Variants in TULP4 observed in about 807,000 individuals in gnomAD.
TULP4 encodes tubby-related protein 4.
TULP4 carries 16 observed loss-of-function variants against 129.0 expected under a neutral mutation model. That is an observed-to-expected ratio of 0.12 (90% CI 0.08 to 0.19). TULP4 has a LOEUF of 0.19. Among genes scored for constraint, TULP4 ranks in the 10% least tolerant of loss-of-function variants. The pLI is 1.00. For missense variants in TULP4, 1,842 were observed against 2,059.1 expected (o/e 0.89, Z 2.04); for synonymous variants, 998 against 854.0 (o/e 1.17, Z -2.94).
chr6:158,502,412 C>G lies in TULP4; in HGVS notation c.2749C>G (p.Pro917Ala), dbSNP rs771717933. 1 of 1,613,840 alleles carries G rather than the reference C, an allele frequency of 6.2e-7. No individual in the cohort carries two copies. Among genetic ancestry groups the G allele is most frequent in the Non-Finnish European group, 8.5e-7 (1 of 1,179,964 alleles). The change falls in exon 13 of 14, where the codon CCC becomes GCC. Residue 917 changes from proline to alanine, a missense_variant. Pro to Ala is a conservative substitution (Grantham distance 27, BLOSUM62 -1). This residue lies in a region of TULP4 where 1,089 missense variants were observed against 987.1 expected (regional missense o/e 1.10). Coordinates refer to ENST00000367097, the MANE Select transcript of TULP4 (RefSeq NM_020245.5). ...GTGCTCCCAGAACACGTACACCCTCCCCGGCCCGGGTAGCTCTGCCACCTT... is the reference window on the plus strand; with the variant it reads ...GTGCTCCCAGAACACGTACACCCTCGCCGGCCCGGGTAGCTCTGCCACCTT... ...MLCSQNTYTL[P>A]GPGSSATLRL...
intron 1 of TULP4, among the ~76,000 whole-genome samples, chr6:158,295,760 G>A (rs951101276): frequency 2.3e-4 from 35 of 152,118 alleles, no homozygotes; most frequent in African/African-American, 7.0e-4. Context: ...GCCTGGTGGC[G>A]GATGCCTGTA....
chr6:158,296,883 T>C (rs1377218324), intron 1 of TULP4, among the ~76,000 whole-genome samples: 1 of 152,196 alleles, frequency 6.6e-6, no homozygotes, highest in Admixed American at 6.5e-5. Context: ...AAAGATCACA[T>C]GCTTCTGAGG....
Position 158,254,158 on chromosome 6 carries a change from G to C in TULP4, n.68+21855G>C, listed in dbSNP as rs577770607. On this transcript the variant is annotated intron_variant and non_coding_transcript_variant, in intron 1 of 1. Transcript: ENST00000620026. ...CTCCAACCAAGTCATTAGTAAATCAGTGGAGACAGAGTCTTGCTCTGTGGC... is the reference window on the plus strand; with the variant it reads ...CTCCAACCAAGTCATTAGTAAATCACTGGAGACAGAGTCTTGCTCTGTGGC... Among the ~76,000 whole-genome samples the C allele has an allele frequency of 3.9e-5, 6 of 152,210 alleles. No individual in the cohort carries two copies. In the East Asian group the frequency reaches 1.2e-3, roughly 29 times the overall value.
intron 1 of TULP4, among the ~76,000 whole-genome samples, chr6:158,349,019 G>T (rs1412690884): frequency 5.4e-5 from 3 of 55,918 alleles, no homozygotes; most frequent in Admixed American, 3.9e-4. Flanking sequence ...TCACTTCCCA[G>T]ACGGGGCAGC....
At chr6:158,484,309 A>G (rs933913087) in intron 8 of TULP4, among the ~76,000 whole-genome samples, 1 of 146,280 alleles carries the variant, frequency 6.8e-6, no homozygotes, top group East Asian at 2.1e-4. Flanking sequence ...CAGTGGTATG[A>G]TCATAGTGCA....
At chr6:158,437,472 G>T (rs1778776902) in intron 3 of TULP4, among the ~76,000 whole-genome samples, 1 of 151,970 alleles carries the variant, frequency 6.6e-6, no homozygotes, top group Admixed American at 6.6e-5. Context: ...GAGGTGGGAG[G>T]ATTGCTTGAG....
At chr6:158,304,732 T>A (rs543061911) in intron 1 of TULP4, among the ~76,000 whole-genome samples, 1 of 152,006 alleles carries the variant, frequency 6.6e-6, no homozygotes, top group South Asian at 2.1e-4. Flanking sequence ...AGTGGTGTGA[T>A]CATGGCCCGC....
At chr6:158,472,099 T>C (rs1018411172) in intron 6 of TULP4, among the ~76,000 whole-genome samples, 46 of 152,188 alleles carry the variant, frequency 3.0e-4, no homozygotes, top group African/African-American at 1.1e-3. Context: ...CGTTTTCTTT[T>C]AAAGCTGCCT....
intron 1 of TULP4, among the ~76,000 whole-genome samples, chr6:158,360,684 C>A (rs1379489333): frequency 6.6e-6 from 1 of 152,136 alleles, no homozygotes; most frequent in Non-Finnish European, 1.5e-5. Flanking sequence ...TGTTGGAAGA[C>A]ATGGAAGATG....
In TULP4 at chr6:158,254,503, A is replaced by G. The variant is rs545986281; in HGVS notation, n.68+22200A>G. ...AGATTACACATACTTCAGTTTGGCC[A>G]GATAAGAGTGTTGGCCTTTTCTCCA... On this transcript the variant is annotated intron_variant and non_coding_transcript_variant, in intron 1 of 1. Transcript: ENST00000620026. 3.5e-4 allele frequency among the ~76,000 whole-genome samples: 53 copies of G among 152,342 alleles called. 1 individual carries two copies. Among genetic ancestry groups the G allele is most frequent in the East Asian group, 1.7e-3 (9 of 5,188 alleles).
chr6:158,246,597 C>T (rs562036140), intron 1 of TULP4, among the ~76,000 whole-genome samples: 1 of 152,194 alleles, frequency 6.6e-6, no homozygotes, highest in South Asian at 2.1e-4. Flanking sequence ...TTCCTTTTAA[C>T]CATCTCTTTA....
In TULP4 at chr6:158,383,670, C is replaced by T. The variant is rs531278192; in HGVS notation, c.253-29395C>T. Among the ~76,000 whole-genome samples, 20 of 152,208 alleles carry T rather than the reference C, an allele frequency of 1.3e-4. No individual in the cohort carries two copies. In the South Asian group the frequency reaches 2.9e-3, roughly 22 times the overall value. On this transcript the variant is annotated intron_variant, in intron 1 of 13. Transcript: ENST00000367097. Reference sequence around the variant, plus strand: ...AAAGAGCTTGAGGGATGCAGGAGAGCGAGTCAGGCCATTCTCAGTGTGAAG... The same window carrying T: ...AAAGAGCTTGAGGGATGCAGGAGAGTGAGTCAGGCCATTCTCAGTGTGAAG...
In TULP4 at chr6:158,493,460, G is replaced by A; in HGVS notation, c.1632-113G>A. 1 of 1,192,346 alleles carries A rather than the reference G, an allele frequency of 8.4e-7. No individual in the cohort carries two copies. 73.9% of individuals were successfully genotyped at this position (1,192,346 alleles called of 1,614,324 possible). A position where few individuals can be genotyped will look rare whatever the true frequency, so the allele number is the denominator to read the frequency against. ...TAAATTCGGGCACTGGCTGCAGGGT[G>A]AGAACCCAACACCCAGGCTGGCTGT... is the stretch of plus-strand genomic sequence containing the variant. On this transcript the variant is annotated intron_variant, in intron 9 of 13. Transcript: ENST00000367097. This position sits in a 1 kb window ranked among gnomAD's most constrained non-coding sequence, Gnocchi z 4.4.
At chr6:158,343,370 G>A (rs776986594) in intron 1 of TULP4, among the ~76,000 whole-genome samples, 1 of 152,114 alleles carries the variant, frequency 6.6e-6, no homozygotes, top group Non-Finnish European at 1.5e-5. Context: ...CAAATGCAAC[G>A]GAAGGTAATG....
chr6:158,277,255 T>C (rs974600027), intron 1 of TULP4, among the ~76,000 whole-genome samples: 10 of 152,212 alleles, frequency 6.6e-5, no homozygotes, highest in African/African-American at 2.4e-4. Flanking sequence ...AGCATCTATT[T>C]ATGCTAGGTC....
chr6:158,302,681 T>C (rs574265204), intron 1 of TULP4, among the ~76,000 whole-genome samples: 100 of 152,208 alleles, frequency 6.6e-4, no homozygotes, highest in Non-Finnish European at 1.3e-3. Context: ...AAACCAGCCC[T>C]CTTCTACAGT....
intron 1 of TULP4, among the ~76,000 whole-genome samples, chr6:158,348,344 C>T (rs1041833685): frequency 1.3e-5 from 2 of 151,680 alleles, no homozygotes; most frequent in African/African-American, 2.4e-5. Context: ...TGTTTGTGTC[C>T]CTGGGTACTT....
chr6:158,329,683 A>AT (rs963837291), intron 1 of TULP4, among the ~76,000 whole-genome samples: 1 of 151,570 alleles, frequency 6.6e-6, no homozygotes, highest in South Asian at 2.1e-4. Context: ...ACAATTTTAG[A>AT]TTTTTTTTTA....
intron 8 of TULP4, among the ~76,000 whole-genome samples, chr6:158,487,568 C>T (rs948119838): frequency 1.3e-5 from 2 of 152,362 alleles, no homozygotes; most frequent in East Asian, 3.9e-4. Context: ...CCAGTCCCAG[C>T]TTACATTTTT....
Sources: gnomAD v4.1 joint callset for allele counts (sites outside exome capture counted in the v4.1 genomes callset) on GRCh38, gnomAD v4.1.1 for gene constraint, gnomAD v4.1.1 regional missense constraint, Gnocchi (gnomAD v3.1) non-coding constraint, MANE v1.5 for transcripts, NCBI Gene and HGNC (gene_info 2026-07-23, HGNC 2026-07-21) for gene names.